The following GAPDHS variants were observed in gnomAD, a reference collection of about 807,000 sequenced individuals.
The protein encoded by GAPDHS is glyceraldehyde-3-phosphate dehydrogenase, spermatogenic.
GAPDHS carries 42 observed loss-of-function variants against 48.7 expected under a neutral mutation model. The ratio of observed to expected loss-of-function variants is 0.86; its 90% CI spans 0.67 to 1.12. The LOEUF is 1.12. GAPDHS is among the 50% of genes most tolerant of loss of function. GAPDHS has a pLI of 0.00. For synonymous variants in GAPDHS, 166 were observed against 219.1 expected, an observed-to-expected ratio of 0.76 and a Z score of 2.14; for missense variants, 512 against 557.7, an observed-to-expected ratio of 0.92 and a Z score of 0.82.
intron 4 of GAPDHS, 151 bp from the exon 5 acceptor site, chr19:35,542,168 C>A: frequency 1.6e-6 from 1 of 627,284 alleles, no homozygotes. Flanking sequence ...GGGGTGGAGC[C>A]CATCTGGAAC....
Position 35,536,889 on chromosome 19 carries a change from G to A in GAPDHS, c.144G>A (p.Arg48=). 4.3e-6 allele frequency: 7 copies of A among 1,613,940 alleles called. No individual in the cohort carries two copies. Among genetic ancestry groups the A allele is most frequent in the Non-Finnish European group, 5.1e-6 (6 of 1,179,916 alleles). Residue 48 remains arginine (R), a synonymous_variant, in exon 2 of 11, where the codon AGG becomes AGA. Coordinates refer to ENST00000222286, the MANE Select transcript of GAPDHS (RefSeq NM_014364.5). The part of the protein sequence containing the change: ...PQPQPEPTPV[R]EEIKPPPPPL... ...CACAACCAGAGCCCACACCAGTCAG[G>A]GAGGAAATAAAGCCACCACCGCCAC...
In GAPDHS at chr19:35,533,595, GT is replaced by G. The variant is rs1308228196; in HGVS notation, c.67+2del. 6.2e-7 allele frequency: 1 copy of G among 1,610,436 alleles called. No homozygotes were observed. The highest frequency in any genetic ancestry group is 1.7e-5 in the Admixed American group (1 of 59,962). On this transcript the variant is annotated splice_donor_variant, in intron 1 of 10. Coordinates refer to ENST00000222286, the MANE Select transcript of GAPDHS (RefSeq NM_014364.5). LOFTEE classifies it high-confidence loss of function. ...CAGTTGCTGCGACAGCCGTGCCCGG[GT>G]GAGGGAGGCAGCGGAGGGCGCGGGG... is the stretch of plus-strand genomic sequence containing the variant.
At chr19:35,534,312 G>A (rs1307851277) in intron 1 of GAPDHS, among the ~76,000 whole-genome samples, 2 of 152,190 alleles carry the variant, frequency 1.3e-5, no homozygotes, top group African/African-American at 2.4e-5. Context: ...CGCAGGGGTA[G>A]GTGGGGCTGG....
chr19:35,544,732 C>CCTTGGTCATACCCTGCA lies in GAPDHS; in HGVS notation c.1057-162_1057-146dup, dbSNP rs2071532448. 6 of 623,218 alleles carry CCTTGGTCATACCCTGCA rather than the reference C, an allele frequency of 9.6e-6. No individual in the cohort carries two copies. The East Asian group carries it at 1.4e-4, about 14-fold the overall frequency. The allele number at this position is 623,218 out of a possible 1,614,324, so 38.6% of individuals were successfully genotyped here. A position where few individuals can be genotyped will look rare whatever the true frequency, so the allele number is the denominator to read the frequency against. ...CCTTTGGCCAGACCCTGACACAGTG[C>CCTTGGTCATACCCTGCA]CTTGGTCATACCCTGCACTTGGTCA... On this transcript the variant is annotated intron_variant, in intron 9 of 10. Transcript: ENST00000222286.
chr19:35,533,457 G>T lies in GAPDHS; in HGVS notation c.-71G>T. On this transcript the variant is annotated 5_prime_UTR_variant, in exon 1 of 11. Coordinates refer to ENST00000222286, the MANE Select transcript of GAPDHS (RefSeq NM_014364.5). ...CAGGGCAATTAGCCCAGGACCCACA[G>T]CCCTGGCGCTCCGCACGCACCTCGG... 1 of 1,377,846 alleles carries T rather than the reference G, an allele frequency of 7.3e-7. No homozygotes were observed. The highest frequency in any genetic ancestry group is 1.0e-6 in the Non-Finnish European group (1 of 967,028). The allele number at this position is 1,377,846 out of a possible 1,614,324, so 85.4% of individuals were successfully genotyped here.
rs925809724 is a variant in GAPDHS, at chr19:35,533,593, G to A, written c.66G>A (p.Pro22=). 3.1e-6 allele frequency: 5 copies of A among 1,610,192 alleles called. No individual in the cohort carries two copies. Among genetic ancestry groups the A allele is most frequent in the Admixed American group, 1.7e-5 (1 of 59,946 alleles). The change falls in exon 1 of 11, where the codon CCG becomes CCA. Residue 22 remains proline, a splice_region_variant and synonymous_variant. Transcript: ENST00000222286. The part of the protein sequence containing the change: ...TVVQLLRQPC[P]VTRAPPPPEP... ...TCCAGTTGCTGCGACAGCCGTGCCC[G>A]GGTGAGGGAGGCAGCGGAGGGCGCG...
intron 1 of GAPDHS, among the ~76,000 whole-genome samples, chr19:35,535,368 C>T (rs929049675): frequency 3.9e-5 from 6 of 152,110 alleles, no homozygotes; most frequent in South Asian, 2.1e-4. Context: ...TAAGAAATGC[C>T]TGGAGTGCTT....
At position 35,543,396 on chromosome 19, in the gene GAPDHS, GGC is replaced by G. The variant is rs752897433; in HGVS notation, c.799_800del (p.Ala267LeufsTer85). 6 of 1,612,354 alleles carry G rather than the reference GGC, an allele frequency of 3.7e-6. No homozygotes were observed. The highest frequency in any genetic ancestry group is 5.1e-6 in the Non-Finnish European group (6 of 1,179,414). Reference protein sequence around the residue: ...QKTVDGPSRKAWRDGRGAHQN... With the variant: ...QKTVDGPSRKXWRDGRGAHQN... The stretch of plus-strand genomic sequence containing the variant: ...AGACAGTGGACGGGCCATCAAGGAA[GGC>G]CTGGCGAGATGGGCGGGGTGCCCAC... On this transcript the variant is annotated frameshift_variant, in exon 8 of 11. Transcript: ENST00000222286. LOFTEE classifies it high-confidence loss of function.
Position 35,542,358 on chromosome 19 carries a change from C to T in GAPDHS, c.489C>T (p.Ser163=), listed in dbSNP as rs973449187. The change falls in exon 5 of 11, where the codon AGC becomes AGT. Residue 163 remains serine (S), a synonymous_variant. Transcript: ENST00000222286. ...AGATCCCCTGGAGGGCTGTCGGGAG[C>T]CCCTACGTGGTGGAGTCCACAGGCG... is the stretch of plus-strand genomic sequence containing the variant. The part of the protein sequence containing the change: ...PKQIPWRAVG[S]PYVVESTGVY... 3 of 1,612,960 alleles carry T rather than the reference C, an allele frequency of 1.9e-6. No homozygotes were observed. Among genetic ancestry groups the T allele is most frequent in the African/African-American group, 1.3e-5 (1 of 74,866 alleles).
intron 4 of GAPDHS, 106 bp downstream of exon 4, chr19:35,538,789 C>T (rs2071482612): frequency 8.2e-6 from 6 of 735,170 alleles, no homozygotes; most frequent in Non-Finnish European, 1.5e-5. Context: ...CTGAAACCAC[C>T]CCCAAAATTG....
At chr19:35,543,177 C>A in intron 7 of GAPDHS, 151 bp downstream of exon 7, 4 of 1,012,604 alleles carry the variant, frequency 4.0e-6, no homozygotes, top group South Asian at 2.8e-5. Flanking sequence ...CACTGTGCAA[C>A]CCTCAGGCAA....
Position 35,543,806 on chromosome 19 carries a change from C to G in GAPDHS, c.1035C>G (p.Ile345Met), listed in dbSNP as rs765461949. The change falls in exon 9 of 11, where the codon ATC (isoleucine) becomes ATG (methionine). Residue 345 changes from isoleucine to methionine, a missense_variant. Physicochemically the swap from Ile to Met is conservative, Grantham distance 10. Transcript: ENST00000222286. ...KAAAKGPMAGILAYTEDEVVS... is the reference protein window; with the variant it reads ...KAAAKGPMAGMLAYTEDEVVS... The stretch of plus-strand genomic sequence containing the variant: ...CAGCCAAGGGGCCCATGGCTGGCAT[C>G]CTTGCCTACACCGAGGATGAGGTAG... 1.3e-5 allele frequency: 21 copies of G among 1,612,652 alleles called. 1 individual carries two copies. Among genetic ancestry groups the G allele is most frequent in the Admixed American group, 1.2e-4 (7 of 59,920 alleles).
At chr19:35,538,464 GGAA>G in intron 3 of GAPDHS, 61 bp downstream of exon 3, 1 of 1,298,914 alleles carries the variant, frequency 7.7e-7, no homozygotes, top group Non-Finnish European at 1.1e-6. Flanking sequence ...AGGGACTCAG[GGAA>G]GCTGTATGGA....
chr19:35,543,951 T>G (rs2071525685), intron 9 of GAPDHS, 124 bp downstream of exon 9: 2 of 1,429,974 alleles, frequency 1.4e-6, no homozygotes, highest in South Asian at 1.5e-5. Flanking sequence ...GAGATCTCCC[T>G]GCCTCAGGGC....
At chr19:35,538,919 T>A (rs138898412) in intron 4 of GAPDHS, among the ~76,000 whole-genome samples, 2,327 of 152,312 alleles carry the variant, frequency 0.015, 28 homozygotes, top group Non-Finnish European at 0.023. Context: ...GCTTTTTCTT[T>A]ATATTTTTTT....
At chr19:35,538,495 G>A (rs978278674) in intron 3 of GAPDHS, 82 bp from the exon 4 acceptor site, 80 of 1,261,358 alleles carry the variant, frequency 6.3e-5, no homozygotes, top group African/African-American at 8.8e-5. Context: ...CAGCTGTAAT[G>A]TGAGACCTTC....
rs529858308 is a variant in GAPDHS, at chr19:35,540,344, G to A, written c.449+1661G>A. Among the ~76,000 whole-genome samples, 4 of 152,378 alleles carry A rather than the reference G, an allele frequency of 2.6e-5. No homozygotes were observed. In the East Asian group the frequency reaches 5.8e-4, roughly 22 times the overall value. On this transcript the variant is annotated intron_variant, in intron 4 of 10. Coordinates refer to ENST00000222286, the MANE Select transcript of GAPDHS (RefSeq NM_014364.5). ...TGGAATCCTCAAAACAGCCTGGTGG[G>A]CAGGAGGCTGGGGCCCATGACAGCC...
chr19:35,539,694 G>T (rs1354516632), intron 4 of GAPDHS, among the ~76,000 whole-genome samples: 1 of 152,054 alleles, frequency 6.6e-6, no homozygotes, highest in Non-Finnish European at 1.5e-5. Flanking sequence ...GGGGTAGGGT[G>T]AGTGATAAAG....
intron 1 of GAPDHS, 89 bp downstream of exon 1, chr19:35,533,683 C>G: frequency 9.9e-7 from 1 of 1,005,260 alleles, no homozygotes; most frequent in Admixed American, 2.0e-5. Flanking sequence ...ATCCCTACCG[C>G]CCTTCCTGGC....
Sources: gnomAD v4.1 joint callset for allele counts (sites outside exome capture counted in the v4.1 genomes callset) on GRCh38, gnomAD v4.1.1 for gene constraint, MANE v1.5 for transcripts, NCBI Gene and HGNC (gene_info 2026-07-23, HGNC 2026-07-21) for gene names.